The following CUX2 variants were observed in gnomAD, a reference collection of about 807,000 sequenced individuals.
CUX2 encodes the protein cut like homeobox 2.
A neutral mutation model predicts 144.8 loss-of-function variants in CUX2; 40 were observed. That is an observed-to-expected ratio of 0.28 (90% confidence interval 0.21 to 0.36). The LOEUF is 0.36. Ranked by LOEUF, CUX2 falls within the 10% of genes least tolerant of loss-of-function variation. The pLI is 1.00. For synonymous variants in CUX2, 827 were observed against 875.6 expected (o/e 0.94, Z 0.98); for missense variants, 1,615 against 1,994.0 (o/e 0.81, Z 3.62).
chr12:111,347,910 T>C lies in CUX2; in HGVS notation c.4046T>C (p.Leu1349Pro). 6.2e-7 allele frequency: 1 copy of C among 1,613,988 alleles called. No homozygotes were observed. The highest frequency in any genetic ancestry group is 8.5e-7 in the Non-Finnish European group (1 of 1,179,984). Reference protein sequence around the residue: ...DGLPKVAPGPLLPGGSTPDCP... With the variant: ...DGLPKVAPGPPLPGGSTPDCP... ...CTCCCAAAAGTGGCTCCCGGGCCCC[T>C]CCTTCCAGGTGGATCCACCCCAGAC... Residue 1349 changes from leucine (L) to proline (P), a missense_variant, in exon 22 of 22, where the codon CTC (leucine) becomes CCC (proline). Physicochemically the swap from Leu to Pro is moderately conservative, Grantham distance 98. Transcript: ENST00000261726.
chr12:111,179,749 T>G (rs1355914006), intron 1 of CUX2, among the ~76,000 whole-genome samples: 1 of 151,852 alleles, frequency 6.6e-6, no homozygotes, highest in Non-Finnish European at 1.5e-5. Flanking sequence ...CGATCTCAGC[T>G]CACTGCAACC....
chr12:111,342,459 C>T (rs956043146), intron 21 of CUX2, among the ~76,000 whole-genome samples: 4 of 150,578 alleles, frequency 2.7e-5, no homozygotes, highest in Admixed American at 1.3e-4. Flanking sequence ...CCAGCCGGGG[C>T]GACAGAGACT....
intron 1 of CUX2, among the ~76,000 whole-genome samples, chr12:111,046,954 G>A: frequency 6.6e-6 from 1 of 152,222 alleles, no homozygotes; most frequent in East Asian, 1.9e-4. Flanking sequence ...ACCACGCCCG[G>A]CCCCTTGCTG....
intron 6 of CUX2, among the ~76,000 whole-genome samples, chr12:111,294,263 A>T (rs559255662): frequency 6.6e-6 from 1 of 152,170 alleles, no homozygotes; most frequent in South Asian, 2.1e-4. Flanking sequence ...GTGCACTACC[A>T]CACCTGGCTA....
At chr12:111,098,765 C>T (rs558377066) in intron 1 of CUX2, among the ~76,000 whole-genome samples, 1 of 152,222 alleles carries the variant, frequency 6.6e-6, no homozygotes, top group African/African-American at 2.4e-5. Flanking sequence ...CCTTTCTCTT[C>T]GTGAGTTCAG....
intron 3 of CUX2, among the ~76,000 whole-genome samples, chr12:111,257,737 CTCTT>C (rs1233840758): frequency 1.4e-5 from 2 of 145,136 alleles, no homozygotes; most frequent in African/African-American, 5.1e-5. Context: ...CCTCTTCCTC[CTCTT>C]TCTTCTCCTC....
intron 1 of CUX2, among the ~76,000 whole-genome samples, chr12:111,132,930 G>A (rs1875598763): frequency 6.6e-6 from 1 of 152,086 alleles, no homozygotes; most frequent in African/African-American, 2.4e-5. Context: ...ATGCTTTGCT[G>A]CTTAGAAATT....
Position 111,310,031 on chromosome 12 carries a change from G to T in CUX2, c.1259-10G>T. ...GTCTGTCTGTCTGTCTGTCTGTCTG[G>T]GTGTTCTAGAGGAAGACCCATCAGA... is the stretch of plus-strand genomic sequence containing the variant. On this transcript the variant is annotated splice_polypyrimidine_tract_variant and intron_variant, in intron 14 of 21. Coordinates refer to ENST00000261726, the MANE Select transcript of CUX2 (RefSeq NM_015267.4). This position sits in a 1 kb window ranked among gnomAD's most constrained non-coding sequence, Gnocchi z 7.9. 1 of 1,288,778 alleles carries T rather than the reference G, an allele frequency of 7.8e-7. No individual in the cohort carries two copies. The allele number at this position is 1,288,778 out of a possible 1,614,324, so 79.8% of individuals were successfully genotyped here. A position where few individuals can be genotyped will look rare whatever the true frequency, so the allele number is the denominator to read the frequency against.
intron 1 of CUX2, among the ~76,000 whole-genome samples, chr12:111,123,649 C>T (rs1248706002): frequency 6.6e-6 from 1 of 152,134 alleles, no homozygotes; most frequent in Non-Finnish European, 1.5e-5. Context: ...GATCCTCCTA[C>T]CTCCACCTCC....
At chr12:111,047,207 G>A (rs1037118073) in intron 1 of CUX2, among the ~76,000 whole-genome samples, 3 of 152,222 alleles carry the variant, frequency 2.0e-5, no homozygotes, top group Admixed American at 2.0e-4. Flanking sequence ...TTCTCGGCTG[G>A]GGCTGATAAT....
intron 1 of CUX2, among the ~76,000 whole-genome samples, chr12:111,166,210 G>A (rs1041970117): frequency 2.6e-5 from 4 of 152,118 alleles, no homozygotes; most frequent in Non-Finnish European, 5.9e-5. Context: ...TTGTAAAGAC[G>A]AAGTCTCGCT....
intron 20 of CUX2, 24 bp from the exon 21 acceptor site, chr12:111,341,756 C>A: frequency 6.4e-7 from 1 of 1,555,150 alleles, no homozygotes. Flanking sequence ...CACCTCTCAG[C>A]CCTCCCTCTC....
chr12:111,322,159 A>T lies in CUX2; in HGVS notation c.2767-262A>T, dbSNP rs1019524020. ...GTGGCAAAACCCCATCTCTACTAAA[A>T]ATACAAAAATTAGCCAGACGTGCAC... is the stretch of plus-strand genomic sequence containing the variant. On this transcript the variant is annotated intron_variant, in intron 17 of 21. Coordinates refer to ENST00000261726, the MANE Select transcript of CUX2 (RefSeq NM_015267.4). The surrounding 1 kb of genome is among the most constrained non-coding windows in gnomAD (Gnocchi z 4.2). 6.6e-6 allele frequency among the ~76,000 whole-genome samples: 1 copy of T among 151,894 alleles called. No homozygotes were observed. The highest frequency in any genetic ancestry group is 2.4e-5 in the African/African-American group (1 of 41,332).
chr12:111,191,111 T>C (rs1879848387), intron 1 of CUX2, among the ~76,000 whole-genome samples: 1 of 152,094 alleles, frequency 6.6e-6, no homozygotes. Context: ...CACTCACAGA[T>C]CTTGTGTACC....
At chr12:111,215,224 C>A (rs1169902808) in intron 2 of CUX2, among the ~76,000 whole-genome samples, 1 of 152,074 alleles carries the variant, frequency 6.6e-6, no homozygotes, top group Non-Finnish European at 1.5e-5. Flanking sequence ...GACCCTGATT[C>A]CAGCAGTTAC....
chr12:111,310,069 C>G lies in CUX2; in HGVS notation c.1287C>G (p.Ile429Met), dbSNP rs541115635. 65 of 1,374,320 alleles carry G rather than the reference C, an allele frequency of 4.7e-5. 1 individual carries two copies. The South Asian group carries it at 9.3e-4, about 20-fold the overall frequency. 85.1% of individuals were successfully genotyped at this position (1,374,320 alleles called of 1,614,324 possible). Residue 429 changes from isoleucine to methionine, a missense_variant, in exon 15 of 22, where the codon ATC (isoleucine) becomes ATG (methionine). By Grantham distance (10) the Ile-to-Met change is conservative. Around this residue, in one of 12 missense-constraint regions of CUX2, gnomAD observed 8 missense variants for 27.6 expected, o/e 0.29. Transcript: ENST00000261726. The surrounding 1 kb of genome is among the most constrained non-coding windows in gnomAD (Gnocchi z 7.9). The stretch of plus-strand genomic sequence containing the variant: ...AAGACCCATCAGAGGACGATTCCAT[C>G]AAGGATTCACTGGGCACGGAGCAGT... ...PEEDPSEDDS[I>M]KDSLGTEQSY...
chr12:111,340,291 C>T (rs1344819294), intron 20 of CUX2, among the ~76,000 whole-genome samples: 1 of 152,146 alleles, frequency 6.6e-6, no homozygotes, highest in East Asian at 1.9e-4. Flanking sequence ...GCTTTTTTCT[C>T]CCCAACATCT....
At position 111,314,861 on chromosome 12, in the gene CUX2, A is replaced by G. The variant is rs560068971; in HGVS notation, c.2002+2660A>G. ...TGTCTCAAAAAAAAATAATAGAAAA[A>G]GAAATAACTAGCCAAAGTCTCCCAC... is the stretch of plus-strand genomic sequence containing the variant. On this transcript the variant is annotated intron_variant, in intron 16 of 21. Coordinates refer to ENST00000261726, the MANE Select transcript of CUX2 (RefSeq NM_015267.4). Among the ~76,000 whole-genome samples the G allele has an allele frequency of 3.9e-5, 6 of 152,100 alleles. 1 individual carries two copies. The South Asian group carries it at 1.2e-3, about 32-fold the overall frequency.
At chr12:111,270,880 G>A (rs1260703522) in intron 4 of CUX2, among the ~76,000 whole-genome samples, 1 of 152,114 alleles carries the variant, frequency 6.6e-6, no homozygotes, top group Non-Finnish European at 1.5e-5. Flanking sequence ...GACACACCTG[G>A]GTGGAACTCT....
Sources: allele counts gnomAD v4.1 joint callset (sites outside exome capture counted in the v4.1 genomes callset), GRCh38; gene constraint gnomAD v4.1.1; regional missense constraint gnomAD v4.1.1; non-coding constraint Gnocchi (gnomAD v3.1); transcripts MANE v1.5; gene names NCBI Gene and HGNC (gene_info 2026-07-23, HGNC 2026-07-21).